RRP1B: variants seen among roughly 807,000 people sequenced by gnomAD.
RRP1B encodes ribosomal RNA processing 1B.
RRP1B carries 56 observed loss-of-function variants against 80.2 expected under a neutral mutation model. The observed-to-expected ratio is 0.70, with a 90% CI of 0.56 to 0.87. The LOEUF is 0.87. Ranked by LOEUF, RRP1B falls within the 40% of genes least tolerant of loss-of-function variation. The probability of loss-of-function intolerance (pLI) is 0.00; values close to 1 mark genes in which losing one functional copy is unlikely to be tolerated. For missense variants in RRP1B, 807 were observed against 939.8 expected, an observed-to-expected ratio of 0.86 and a Z score of 1.85; for synonymous variants, 351 against 357.6, an observed-to-expected ratio of 0.98 and a Z score of 0.21.
At chr21:43,677,549 T>A (rs2083027566) in intron 8 of RRP1B, among the ~76,000 whole-genome samples, 1 of 152,192 alleles carries the variant, frequency 6.6e-6, no homozygotes. Flanking sequence ...TGTATACCCA[T>A]TTAAAAGCAA....
chr21:43,693,586 C>T lies in RRP1B; in HGVS notation c.*203C>T. 1 of 521,754 alleles carries T rather than the reference C, an allele frequency of 1.9e-6. No homozygotes were observed. The highest frequency in any genetic ancestry group is 3.3e-6 in the Non-Finnish European group (1 of 305,130). The allele number at this position is 521,754 out of a possible 1,614,324, so 32.3% of individuals were successfully genotyped here. On this transcript the variant is annotated 3_prime_UTR_variant, in exon 16 of 16. Coordinates refer to ENST00000340648, the MANE Select transcript of RRP1B (RefSeq NM_015056.3). This position sits in a 1 kb window ranked among gnomAD's most constrained non-coding sequence, Gnocchi z 4.1. Reference sequence around the variant, plus strand: ...CTTGGTTGAATCTTTTGCTACAAACCATGTTTGCGTTTGAGCTCTCCAGGA... The same window carrying T: ...CTTGGTTGAATCTTTTGCTACAAACTATGTTTGCGTTTGAGCTCTCCAGGA...
At position 43,690,342 on chromosome 21, in the gene RRP1B, G is replaced by A. The variant is rs767982877; in HGVS notation, c.1921G>A (p.Asp641Asn). 26 of 1,614,092 alleles carry A rather than the reference G, an allele frequency of 1.6e-5. No individual in the cohort carries two copies. Among genetic ancestry groups the A allele is most frequent in the African/African-American group, 4.0e-5 (3 of 74,936 alleles). Reference sequence around the variant, plus strand: ...GAAGCAGAAGCTGAGGGCAGAGAGCGACTTTGTGAAGTTTGACACCCCCTT... The same window carrying A: ...GAAGCAGAAGCTGAGGGCAGAGAGCAACTTTGTGAAGTTTGACACCCCCTT... ...LKKQKLRAES[D>N]FVKFDTPFLP... The change falls in exon 14 of 16, where the codon GAC becomes AAC. Residue 641 changes from aspartate (D) to asparagine (N), a missense_variant. Coordinates refer to ENST00000340648, the MANE Select transcript of RRP1B (RefSeq NM_015056.3).
chr21:43,683,424 C>T, intron 9 of RRP1B, 51 bp downstream of exon 9: 1 of 1,438,276 alleles, frequency 7.0e-7, no homozygotes, highest in Non-Finnish European at 9.8e-7. Context: ...TGTGGAGTAG[C>T]CTGACTAGAG....
intron 8 of RRP1B, among the ~76,000 whole-genome samples, chr21:43,678,434 C>T (rs1180441450): frequency 6.6e-6 from 1 of 152,192 alleles, no homozygotes; most frequent in East Asian, 1.9e-4. Context: ...GCAGGGATTA[C>T]AGGCATGAGC....
At chr21:43,685,279 C>G (rs1418355811) in intron 10 of RRP1B, among the ~76,000 whole-genome samples, 1 of 152,218 alleles carries the variant, frequency 6.6e-6, no homozygotes, top group Non-Finnish European at 1.5e-5. Flanking sequence ...CAGGATGGTC[C>G]TAGCTTGCCT....
At chr21:43,681,924 C>T (rs2083045186) in intron 8 of RRP1B, among the ~76,000 whole-genome samples, 1 of 152,146 alleles carries the variant, frequency 6.6e-6, no homozygotes. Context: ...GCACTGCGTC[C>T]TGGGCAACAG....
rs1176970665 is a variant in RRP1B, at chr21:43,659,634, T to A, written c.-31T>A. On this transcript the variant is annotated 5_prime_UTR_variant, in exon 1 of 16. In the 5' UTR this introduces an upstream ATG that the reference lacks. Coordinates refer to ENST00000340648, the MANE Select transcript of RRP1B (RefSeq NM_015056.3). The surrounding 1 kb of genome is among the most constrained non-coding windows in gnomAD (Gnocchi z 4.2). The stretch of plus-strand genomic sequence containing the variant: ...CGGCTGGCTGCAGCGGCACCGCGGG[T>A]TGCGCGGCCGGGGATGCTCCAGCGG... 4.8e-6 allele frequency: 7 copies of A among 1,445,930 alleles called. No homozygotes were observed. Among genetic ancestry groups the A allele is most frequent in the Non-Finnish European group, 4.6e-6 (5 of 1,097,350 alleles). 89.6% of individuals were successfully genotyped at this position (1,445,930 alleles called of 1,614,324 possible).
Position 43,693,257 on chromosome 21 carries a change from T to C in RRP1B, c.2151T>C (p.Pro717=), listed in dbSNP as rs1268711908. 2 of 1,614,042 alleles carry C rather than the reference T, an allele frequency of 1.2e-6. No individual in the cohort carries two copies. Among genetic ancestry groups the C allele is most frequent in the Non-Finnish European group, 8.5e-7 (1 of 1,179,992 alleles). ...GCCCTTCTCGAGTGGCCTTCGACCC[T>C]GAACAGAAGCCCCTCCACGGGGTGC... The part of the protein sequence containing the change: ...PTGPSRVAFD[P]EQKPLHGVLK... The change falls in exon 16 of 16, where the codon CCT becomes CCC. Residue 717 remains proline, a synonymous_variant. Transcript: ENST00000340648. This position sits in a 1 kb window ranked among gnomAD's most constrained non-coding sequence, Gnocchi z 4.1.
Position 43,690,305 on chromosome 21 carries a change from C to CAGT in RRP1B, c.1885_1887dup (p.Ser630dup). ...TCACGTAGGGAAGCAGTGGGACTTG[C>CAGT]AGTTCCCTGAAGAAGCAGAAGCTGA... On this transcript the variant is annotated inframe_insertion, in exon 14 of 16. Coordinates refer to ENST00000340648, the MANE Select transcript of RRP1B (RefSeq NM_015056.3). The CAGT allele has an allele frequency of 6.2e-7, 1 of 1,614,212 alleles. No individual in the cohort carries two copies. The highest frequency in any genetic ancestry group is 8.5e-7 in the Non-Finnish European group (1 of 1,180,014).
At chr21:43,666,716 CA>C (rs34846277) in intron 1 of RRP1B, among the ~76,000 whole-genome samples, 88,782 of 127,016 alleles carry the variant, frequency 0.7, 28,993 homozygotes, top group East Asian at 0.79. Flanking sequence ...AAACTGTCTC[CA>C]AAAAAAAAAA....
In RRP1B at chr21:43,695,180, T is replaced by A. The variant is rs2083102812; in HGVS notation, c.*1797T>A. On this transcript the variant is annotated 3_prime_UTR_variant, in exon 16 of 16. Transcript: ENST00000340648. ...GCAAATAGTTTTAACTTTTCTTTTT[T>A]TTTTTTAAGTTTCATTCTTCCTAGA... The A allele has an allele frequency of 6.6e-6, 1 of 152,174 alleles. No homozygotes were observed. Among genetic ancestry groups the A allele is most frequent in the African/African-American group, 2.4e-5 (1 of 41,432 alleles). The allele number at this position is 152,174 out of a possible 1,614,324, so 9.4% of individuals were successfully genotyped here.
In RRP1B at chr21:43,693,486, T is replaced by G; in HGVS notation, c.*103T>G. 8.2e-7 allele frequency: 1 copy of G among 1,216,300 alleles called. No homozygotes were observed. The highest frequency in any genetic ancestry group is 1.1e-6 in the Non-Finnish European group (1 of 908,976). The allele number at this position is 1,216,300 out of a possible 1,614,324, so 75.3% of individuals were successfully genotyped here. ...TTTTTTATGATTTTGTAAGTTCCCA[T>G]AAGTTGTGTGCACGAGGTTCTGAGA... On this transcript the variant is annotated 3_prime_UTR_variant, in exon 16 of 16. Coordinates refer to ENST00000340648, the MANE Select transcript of RRP1B (RefSeq NM_015056.3). This position sits in a 1 kb window ranked among gnomAD's most constrained non-coding sequence, Gnocchi z 4.1.
intron 1 of RRP1B, among the ~76,000 whole-genome samples, chr21:43,661,327 G>A (rs1244043480): frequency 1.3e-5 from 2 of 152,136 alleles, no homozygotes; most frequent in Admixed American, 1.3e-4. Context: ...CACTCAGGAT[G>A]CCAAAAAAAG....
rs2083093529 is a variant in RRP1B, at chr21:43,693,092, G to A, written c.2084-98G>A. On this transcript the variant is annotated intron_variant, in intron 15 of 15. Transcript: ENST00000340648. The surrounding 1 kb of genome is among the most constrained non-coding windows in gnomAD (Gnocchi z 4.1). Reference sequence around the variant, plus strand: ...AGATGGCCCTGCTTCGTCCTAGCAAGTGGGTGGGGTCGGCACCCAGGCAGG... The same window carrying A: ...AGATGGCCCTGCTTCGTCCTAGCAAATGGGTGGGGTCGGCACCCAGGCAGG... 1.6e-6 allele frequency: 2 copies of A among 1,265,986 alleles called. No individual in the cohort carries two copies. Among genetic ancestry groups the A allele is most frequent in the Admixed American group, 2.1e-5 (1 of 47,378 alleles). 78.4% of individuals were successfully genotyped at this position (1,265,986 alleles called of 1,614,324 possible).
chr21:43,688,261 G>A, intron 13 of RRP1B, 21 bp downstream of exon 13: 1 of 1,506,960 alleles, frequency 6.6e-7, no homozygotes, highest in Non-Finnish European at 8.9e-7. Flanking sequence ...AGCACCCACA[G>A]GCCAGCTCGC....
chr21:43,685,209 T>A (rs2083058488), intron 10 of RRP1B, among the ~76,000 whole-genome samples: 1 of 152,200 alleles, frequency 6.6e-6, no homozygotes, highest in African/African-American at 2.4e-5. Context: ...GTATTCCATG[T>A]TAAGCCCCCA....
intron 4 of RRP1B, 51 bp from the exon 5 acceptor site, chr21:43,674,585 C>A: frequency 1.7e-6 from 1 of 572,684 alleles, no homozygotes. Flanking sequence ...TCTTACCTTT[C>A]CTTTTTTTTT....
intron 1 of RRP1B, among the ~76,000 whole-genome samples, chr21:43,664,530 G>A (rs1303580847): frequency 6.6e-6 from 1 of 152,202 alleles, no homozygotes; most frequent in Non-Finnish European, 1.5e-5. Context: ...CCAAAAGTCA[G>A]TTGACAGTTT....
chr21:43,685,647 C>G, intron 10 of RRP1B, 123 bp from the exon 11 acceptor site: 1 of 674,580 alleles, frequency 1.5e-6, no homozygotes, highest in Non-Finnish European at 2.1e-6. Context: ...CGTGAATTAA[C>G]AACTATTTAA....
Sources: allele counts gnomAD v4.1 joint callset (sites outside exome capture counted in the v4.1 genomes callset), GRCh38; gene constraint gnomAD v4.1.1; non-coding constraint Gnocchi (gnomAD v3.1); transcripts MANE v1.5; gene names NCBI Gene and HGNC (gene_info 2026-07-23, HGNC 2026-07-21).